The following CRYBG3 variants were observed in gnomAD, a reference collection of about 807,000 sequenced individuals.
CRYBG3 encodes very large A-kinase anchor protein.
Under a neutral mutation model 244.2 loss-of-function variants are expected in CRYBG3, and 127 were observed. The observed-to-expected ratio is 0.52, with a 90% CI of 0.45 to 0.60. The LOEUF (loss-of-function observed/expected upper bound fraction) is 0.60. CRYBG3 is among the 20% of genes least tolerant of loss of function. The pLI is 0.00. For synonymous variants in CRYBG3, 1,132 were observed against 1,195.8 expected (o/e 0.95, Z 1.10); for missense variants, 3,325 against 3,442.5 (o/e 0.97, Z 0.85).
intron 1 of CRYBG3, among the ~76,000 whole-genome samples, chr3:97,823,483 T>C (rs561584444): frequency 6.6e-6 from 1 of 152,392 alleles, no homozygotes; most frequent in Non-Finnish European, 1.5e-5. Flanking sequence ...TGACCGTCTG[T>C]TAATAACATG....
intron 10 of CRYBG3, among the ~76,000 whole-genome samples, chr3:97,891,836 T>C (rs1454306186): frequency 6.6e-6 from 1 of 152,204 alleles, no homozygotes; most frequent in Non-Finnish European, 1.5e-5. Flanking sequence ...AATGACTTTC[T>C]GGTGAAGCTT....
In CRYBG3 at chr3:97,944,448, A is replaced by G. The variant is rs1166333535; in HGVS notation, c.*1134A>G. 6.6e-6 allele frequency: 1 copy of G among 152,322 alleles called. No homozygotes were observed. The highest frequency in any genetic ancestry group is 2.4e-5 in the African/African-American group (1 of 41,398). The allele number at this position is 152,322 out of a possible 1,614,324, so 9.4% of individuals were successfully genotyped here. A position where few individuals can be genotyped will look rare whatever the true frequency, so the allele number is the denominator to read the frequency against. Reference sequence around the variant, plus strand: ...TTGCCAGAAAGCAGAAAAATGCTCTATTTTTATAAAGAAAGATTAAATTCT... The same window carrying G: ...TTGCCAGAAAGCAGAAAAATGCTCTGTTTTTATAAAGAAAGATTAAATTCT... On this transcript the variant is annotated 3_prime_UTR_variant, in exon 22 of 22. Coordinates refer to ENST00000389622, the MANE Select transcript of CRYBG3 (RefSeq NM_153605.4).
chr3:97,941,936 G>A lies in CRYBG3; in HGVS notation c.8665-348G>A, dbSNP rs1044076638. 4.8e-5 allele frequency: 8 copies of A among 166,674 alleles called. 3 individuals carry two copies. The Admixed American group carries it at 5.1e-4, about 11-fold the overall frequency. 10.3% of individuals were successfully genotyped at this position (166,674 alleles called of 1,614,324 possible). On this transcript the variant is annotated intron_variant, in intron 20 of 21. Coordinates refer to ENST00000389622, the MANE Select transcript of CRYBG3 (RefSeq NM_153605.4). Reference sequence around the variant, plus strand: ...GGATATCTTTAGCCCATCATGCAATGTTTTCATAAGAAAACCAAGCTCAAC... The same window carrying A: ...GGATATCTTTAGCCCATCATGCAATATTTTCATAAGAAAACCAAGCTCAAC...
Position 97,921,980 on chromosome 3 carries a change from A to G in CRYBG3, c.8241+6244A>G, listed in dbSNP as rs529997996. 2.6e-5 allele frequency among the ~76,000 whole-genome samples: 4 copies of G among 152,294 alleles called. No individual in the cohort carries two copies. In the East Asian group the frequency reaches 7.7e-4, roughly 29 times the overall value. ...GCAAAACCAAAGAAACATTATAACA[A>G]GAGGCTGTAGAAAAACTTCAGATAA... On this transcript the variant is annotated intron_variant, in intron 17 of 21. Coordinates refer to ENST00000389622, the MANE Select transcript of CRYBG3 (RefSeq NM_153605.4).
Position 97,822,042 on chromosome 3 carries a change from C to G in CRYBG3, c.-165C>G, listed in dbSNP as rs1025476306. 9 of 473,094 alleles carry G rather than the reference C, an allele frequency of 1.9e-5. No homozygotes were observed. Among genetic ancestry groups the G allele is most frequent in the Middle Eastern group, 5.5e-4 (1 of 1,806 alleles). 29.3% of individuals were successfully genotyped at this position (473,094 alleles called of 1,614,324 possible). A position where few individuals can be genotyped will look rare whatever the true frequency, so the allele number is the denominator to read the frequency against. On this transcript the variant is annotated 5_prime_UTR_variant, in exon 1 of 22. Transcript: ENST00000389622. ...AGGAGCTGCCGCGCGAGGAGCGCGT[C>G]GCGTCCGCACTTCTCCTGCCCGAGA...
intron 2 of CRYBG3, among the ~76,000 whole-genome samples, chr3:97,845,453 T>G (rs1375026777): frequency 6.6e-6 from 1 of 152,236 alleles, no homozygotes; most frequent in Non-Finnish European, 1.5e-5. Flanking sequence ...ACTTCTAACA[T>G]TTACATCTAT....
intron 1 of CRYBG3, among the ~76,000 whole-genome samples, chr3:97,824,102 G>A (rs1344723406): frequency 6.6e-6 from 1 of 152,148 alleles, no homozygotes; most frequent in East Asian, 1.9e-4. Flanking sequence ...CTTTATGTGG[G>A]TGTTTTACTG....
chr3:97,889,021 T>C (rs1387512760), intron 9 of CRYBG3, among the ~76,000 whole-genome samples: 1 of 152,208 alleles, frequency 6.6e-6, no homozygotes, highest in African/African-American at 2.4e-5. Flanking sequence ...ACCACTTTTC[T>C]TTTTGGGACA....
At chr3:97,937,369 G>A (rs1027451503) in intron 19 of CRYBG3, among the ~76,000 whole-genome samples, 8 of 151,928 alleles carry the variant, frequency 5.3e-5, no homozygotes, top group South Asian at 2.1e-4. Flanking sequence ...CAATCTACCC[G>A]CTACCCCACC....
intron 7 of CRYBG3, among the ~76,000 whole-genome samples, chr3:97,886,007 A>G (rs2039503084): frequency 6.6e-6 from 1 of 152,168 alleles, no homozygotes; most frequent in Non-Finnish European, 1.5e-5. Context: ...GTCTCACAGG[A>G]CAATGGGTGC....
intron 17 of CRYBG3, among the ~76,000 whole-genome samples, chr3:97,932,033 C>T (rs961861479): frequency 1.3e-5 from 2 of 152,020 alleles, no homozygotes; most frequent in African/African-American, 4.8e-5. Flanking sequence ...TAAATATTCC[C>T]ATGGTTCAAA....
intron 1 of CRYBG3, among the ~76,000 whole-genome samples, chr3:97,835,876 C>T (rs1216992517): frequency 1.3e-5 from 2 of 152,044 alleles, no homozygotes; most frequent in Admixed American, 1.3e-4. Context: ...CACATCACAG[C>T]GAGGGATTCA....
At chr3:97,861,989 A>G (rs1405065633) in intron 2 of CRYBG3, among the ~76,000 whole-genome samples, 1 of 152,192 alleles carries the variant, frequency 6.6e-6, no homozygotes, top group Non-Finnish European at 1.5e-5. Context: ...GGAAAAATTA[A>G]GCAACTAAAA....
intron 3 of CRYBG3, among the ~76,000 whole-genome samples, chr3:97,870,254 T>G (rs140411703): frequency 2.0e-5 from 3 of 152,296 alleles, no homozygotes; most frequent in African/African-American, 7.2e-5. Context: ...GTAATGGACA[T>G]AGTACCTGAC....
Position 97,888,305 on chromosome 3 carries a change from C to G in CRYBG3, c.7290-36C>G. 3 of 1,275,292 alleles carry G rather than the reference C, an allele frequency of 2.4e-6. No individual in the cohort carries two copies. The South Asian group carries it at 3.7e-5, about 16-fold the overall frequency. 79.0% of individuals were successfully genotyped at this position (1,275,292 alleles called of 1,614,324 possible). ...CTTACAGAACCAGACTAAAGCAGTA[C>G]TATTATACTTTAACTAACTATCTAT... is the stretch of plus-strand genomic sequence containing the variant. On this transcript the variant is annotated intron_variant, in intron 8 of 21. Coordinates refer to ENST00000389622, the MANE Select transcript of CRYBG3 (RefSeq NM_153605.4).
Position 97,822,128 on chromosome 3 carries a change from G to T in CRYBG3, c.-79G>T. ...GTCTGCCCTAGCCGCATCCCGCGGC[G>T]CCCGGTCGGGCTCCGGGCACCAGGC... On this transcript the variant is annotated 5_prime_UTR_variant, in exon 1 of 22. Transcript: ENST00000389622. The T allele has an allele frequency of 1.5e-6, 2 of 1,310,028 alleles. No individual in the cohort carries two copies. The highest frequency in any genetic ancestry group is 2.0e-6 in the Non-Finnish European group (2 of 1,011,418). 81.2% of individuals were successfully genotyped at this position (1,310,028 alleles called of 1,614,324 possible). A position where few individuals can be genotyped will look rare whatever the true frequency, so the allele number is the denominator to read the frequency against.
intron 1 of CRYBG3, 128 bp from the exon 2 acceptor site, chr3:97,843,067 A>G: frequency 5.1e-6 from 3 of 586,214 alleles, no homozygotes; most frequent in East Asian, 2.8e-5. Flanking sequence ...TATCCTTGGT[A>G]TAACATGGTG....
At chr3:97,924,023 G>T (rs556924711) in intron 17 of CRYBG3, among the ~76,000 whole-genome samples, 1 of 152,064 alleles carries the variant, frequency 6.6e-6, no homozygotes, top group East Asian at 1.9e-4. Flanking sequence ...CAACATGTAG[G>T]GTCACTTATC....
At chr3:97,926,979 T>G (rs1000319352) in intron 17 of CRYBG3, among the ~76,000 whole-genome samples, 2 of 152,034 alleles carry the variant, frequency 1.3e-5, no homozygotes, top group Non-Finnish European at 2.9e-5. Flanking sequence ...GTCATTAAAA[T>G]GGCCATACTG....
Sources: gnomAD v4.1 joint callset for allele counts (sites outside exome capture counted in the v4.1 genomes callset) on GRCh38, gnomAD v4.1.1 for gene constraint, MANE v1.5 for transcripts, NCBI Gene and HGNC (gene_info 2026-07-23, HGNC 2026-07-21) for gene names.